The following CTNNA3 variants were observed in gnomAD, a reference collection of about 807,000 sequenced individuals.
The protein encoded by CTNNA3 is catenin alpha-3.
In CTNNA3, 76 loss-of-function variants were observed where a neutral mutation model predicts 95.7. The observed-to-expected ratio is 0.79, with a 90% CI of 0.66 to 0.96. CTNNA3 has a LOEUF of 0.96. Among genes scored for constraint, CTNNA3 ranks in the 40% least tolerant of loss-of-function variants. The pLI is 0.00. For missense variants in CTNNA3, 1,191 were observed against 1,089.8 expected (o/e 1.09, Z -1.31); for synonymous variants, 431 against 374.4 (o/e 1.15, Z -1.74).
At chr10:66,355,788 G>A (rs10822819) in intron 12 of CTNNA3, among the ~76,000 whole-genome samples, 79,728 of 151,528 alleles carry the variant, frequency 0.53, 22,795 homozygotes, top group Non-Finnish European at 0.64. Context: ...CCAAACCAAA[G>A]TCACAAAAAT....
chr10:67,418,863 C>CA (rs1011667584), intron 5 of CTNNA3, among the ~76,000 whole-genome samples: 3 of 151,044 alleles, frequency 2.0e-5, no homozygotes, highest in East Asian at 1.9e-4. Context: ...GTTCTCACCA[C>CA]AAAAAAAATG....
chr10:66,591,170 C>T (rs1843536689), intron 10 of CTNNA3, among the ~76,000 whole-genome samples: 1 of 152,040 alleles, frequency 6.6e-6, no homozygotes, highest in Admixed American at 6.6e-5. Flanking sequence ...TTATAATTGC[C>T]CTTGCAAAAG....
intron 13 of CTNNA3, among the ~76,000 whole-genome samples, chr10:66,213,694 AC>A (rs1277330210): frequency 2.0e-5 from 3 of 152,116 alleles, no homozygotes; most frequent in Non-Finnish European, 2.9e-5. Flanking sequence ...AGACTCTCAA[AC>A]CTTTTATTTC....
chr10:67,570,370 T>C (rs1841940258), intron 3 of CTNNA3, among the ~76,000 whole-genome samples: 1 of 152,068 alleles, frequency 6.6e-6, no homozygotes, highest in African/African-American at 2.4e-5. Context: ...TTACAGTTGC[T>C]ATATTGACAA....
chr10:67,657,921 C>A (rs1357448855), intron 1 of CTNNA3, among the ~76,000 whole-genome samples: 3 of 151,618 alleles, frequency 2.0e-5, no homozygotes, highest in African/African-American at 2.4e-5. Context: ...TAGACACAGC[C>A]CTGCAAGTGT....
At chr10:67,602,015 T>C (rs1843098582) in intron 3 of CTNNA3, among the ~76,000 whole-genome samples, 1 of 152,288 alleles carries the variant, frequency 6.6e-6, no homozygotes, top group Non-Finnish European at 1.5e-5. Context: ...TAAATTATAG[T>C]ATGTCTTTAT....
intron 2 of CTNNA3, among the ~76,000 whole-genome samples, chr10:67,634,366 T>TA (rs1330397585): frequency 1.3e-5 from 2 of 152,058 alleles, no homozygotes; most frequent in Non-Finnish European, 2.9e-5. Flanking sequence ...TATCAGCCAC[T>TA]AAAAAACACA....
intron 12 of CTNNA3, among the ~76,000 whole-genome samples, chr10:66,341,013 G>A (rs912448802): frequency 1.3e-5 from 2 of 151,848 alleles, no homozygotes; most frequent in Non-Finnish European, 3.0e-5. Context: ...CATTGAAACA[G>A]ACTCCAAATG....
At chr10:67,287,688 G>GT (rs1303568127) in intron 5 of CTNNA3, among the ~76,000 whole-genome samples, 2 of 152,128 alleles carry the variant, frequency 1.3e-5, no homozygotes, top group Non-Finnish European at 2.9e-5. Flanking sequence ...CATCAGACAT[G>GT]TTTTCTAACA....
intron 7 of CTNNA3, among the ~76,000 whole-genome samples, chr10:67,172,994 G>A (rs1862084612): frequency 6.7e-6 from 1 of 149,652 alleles, no homozygotes. Context: ...AAAAAAAAAT[G>A]TATCCCGGTT....
chr10:67,417,428 C>T lies in CTNNA3; in HGVS notation c.579+104414G>A, dbSNP rs796387610. ...CCCATGTAACAAATCTGCACATGTA[C>T]CCCCTGTATCTACAAGTTGAAATTA... is the stretch of plus-strand genomic sequence containing the variant. On this transcript the variant is annotated intron_variant, in intron 5 of 17. Transcript: ENST00000433211. 3.3e-5 allele frequency among the ~76,000 whole-genome samples: 5 copies of T among 152,098 alleles called. No homozygotes were observed. In the South Asian group the frequency reaches 1.0e-3, roughly 31 times the overall value.
At chr10:66,200,183 C>T (rs962554043) in intron 13 of CTNNA3, among the ~76,000 whole-genome samples, 22 of 145,902 alleles carry the variant, frequency 1.5e-4, no homozygotes, top group African/African-American at 5.1e-4. Flanking sequence ...TCCAAGAAAT[C>T]GCCTGAAAGT....
intron 15 of CTNNA3, among the ~76,000 whole-genome samples, chr10:65,998,347 T>G (rs1422083952): frequency 6.6e-6 from 1 of 152,204 alleles, no homozygotes; most frequent in Non-Finnish European, 1.5e-5. Flanking sequence ...GACTGAAATA[T>G]GATAAGGGGA....
chr10:67,714,377 A>G (rs1043036561), intron 1 of CTNNA3, among the ~76,000 whole-genome samples: 1 of 152,228 alleles, frequency 6.6e-6, no homozygotes, highest in African/African-American at 2.4e-5. Flanking sequence ...GTCAAAGGAG[A>G]TCATTCTGGA....
chr10:66,557,181 T>A (rs2631204), intron 10 of CTNNA3, among the ~76,000 whole-genome samples: 149,841 of 152,018 alleles, frequency 0.99, 73,877 homozygotes, highest in Middle Eastern at 1. Context: ...CAACGTGCTT[T>A]ATATGTGTGC....
At chr10:66,286,018 G>A (rs1475503281) in intron 12 of CTNNA3, among the ~76,000 whole-genome samples, 1 of 151,952 alleles carries the variant, frequency 6.6e-6, no homozygotes, top group East Asian at 1.9e-4. Context: ...ATGGGCATTT[G>A]CATAATGTTT....
intron 5 of CTNNA3, among the ~76,000 whole-genome samples, chr10:67,249,917 G>T (rs926422604): frequency 6.6e-6 from 1 of 152,188 alleles, no homozygotes; most frequent in African/African-American, 2.4e-5. Context: ...GGTAGAACAC[G>T]CATACTTCAC....
rs112945144 is a variant in CTNNA3 at position 67,504,452 on chromosome 10, A to C, written c.579+17390T>G. Among the ~76,000 whole-genome samples the C allele has an allele frequency of 3.6e-3, 541 of 149,118 alleles. 6 individuals carry two copies. The highest frequency in any genetic ancestry group is 0.013 in the African/African-American group (514 of 40,558). On this transcript the variant is annotated intron_variant, in intron 5 of 17. Transcript: ENST00000433211. ...CTCCATCTCAAAAAAAAAAAAAAAAAAAAAAAAACAGAGTAACATTCATTA... is the reference window on the plus strand; with the variant it reads ...CTCCATCTCAAAAAAAAAAAAAAAACAAAAAAAACAGAGTAACATTCATTA...
At chr10:67,176,598 A>C (rs185065821) in intron 7 of CTNNA3, among the ~76,000 whole-genome samples, 1 of 152,202 alleles carries the variant, frequency 6.6e-6, no homozygotes, top group Non-Finnish European at 1.5e-5. Flanking sequence ...TCCACATTCA[A>C]ATTCCCAGAA....
Sources: gnomAD v4.1 joint callset for allele counts (sites outside exome capture counted in the v4.1 genomes callset) on GRCh38, gnomAD v4.1.1 for gene constraint, MANE v1.5 for transcripts, NCBI Gene and HGNC (gene_info 2026-07-23, HGNC 2026-07-21) for gene names.